Variants in MSRA observed in about 807,000 individuals in gnomAD.
The protein encoded by MSRA is mitochondrial peptide methionine sulfoxide reductase.
In MSRA, 54 loss-of-function variants were observed where a neutral mutation model predicts 31.3. The observed-to-expected ratio is 1.73, with a 90% confidence interval of 1.39 to 2.17. The LOEUF (loss-of-function observed/expected upper bound fraction) is 2.17. MSRA is among the 30% of genes most tolerant of loss of function. MSRA has a pLI of 0.00. For synonymous variants in MSRA, 169 were observed against 116.5 expected (o/e 1.45, Z -2.90); for missense variants, 507 against 300.9 (o/e 1.69, Z -5.07).
At chr8:10,216,705 G>A (rs543986991) in intron 2 of MSRA, among the ~76,000 whole-genome samples, 7 of 152,230 alleles carry the variant, frequency 4.6e-5, no homozygotes, top group Non-Finnish European at 7.4e-5. Flanking sequence ...ATTCTACTTC[G>A]CATAATGTCT....
intron 5 of MSRA, 41 bp downstream of exon 5, chr8:10,320,030 A>C (rs765792926): frequency 2.2e-6 from 3 of 1,350,452 alleles, no homozygotes; most frequent in Non-Finnish European, 3.1e-6. Context: ...TTAGGCCACC[A>C]TGACTAGGGC....
chr8:10,341,947 G>T (rs1328246110), intron 5 of MSRA, among the ~76,000 whole-genome samples: 1 of 152,164 alleles, frequency 6.6e-6, no homozygotes, highest in African/African-American at 2.4e-5. Flanking sequence ...ATTTCCTCCT[G>T]TGACATAAGC....
intron 5 of MSRA, among the ~76,000 whole-genome samples, chr8:10,354,316 T>C (rs1804376411): frequency 6.6e-6 from 1 of 152,178 alleles, no homozygotes; most frequent in Admixed American, 6.5e-5. Context: ...GGAATCCACA[T>C]TGTTGGCAAG....
intron 1 of MSRA, among the ~76,000 whole-genome samples, chr8:10,154,249 AAT>A (rs1276099969): frequency 1.3e-5 from 2 of 151,602 alleles, no homozygotes; most frequent in Non-Finnish European, 2.9e-5. Flanking sequence ...AGCCATCAAA[AAT>A]ACTTACAGTT....
intron 5 of MSRA, among the ~76,000 whole-genome samples, chr8:10,414,030 G>A (rs1299706613): frequency 6.6e-6 from 1 of 152,094 alleles, no homozygotes; most frequent in Non-Finnish European, 1.5e-5. Flanking sequence ...AGCCAGGTGT[G>A]GTGGTGTGCT....
At chr8:10,067,993 C>G (rs1797547398) in intron 1 of MSRA, among the ~76,000 whole-genome samples, 1 of 143,464 alleles carries the variant, frequency 7.0e-6, no homozygotes, top group African/African-American at 2.5e-5. Flanking sequence ...GAGTGATACT[C>G]ATGCGTCAGC....
At chr8:10,116,486 G>A (rs1030042763) in intron 1 of MSRA, among the ~76,000 whole-genome samples, 5 of 152,168 alleles carry the variant, frequency 3.3e-5, no homozygotes, top group South Asian at 2.1e-4. Context: ...ACGCTCTGCG[G>A]TACAGAGAAC....
intron 4 of MSRA, among the ~76,000 whole-genome samples, chr8:10,316,097 C>T (rs974678954): frequency 6.6e-6 from 1 of 152,194 alleles, no homozygotes; most frequent in Non-Finnish European, 1.5e-5. Context: ...ACTATTTCAT[C>T]TCCCTTGAGA....
intron 5 of MSRA, among the ~76,000 whole-genome samples, chr8:10,422,118 A>G (rs540970197): frequency 5.3e-5 from 8 of 152,192 alleles, no homozygotes; most frequent in Non-Finnish European, 1.2e-4. Flanking sequence ...CACTGTCTCT[A>G]TAAAAAAATT....
chr8:10,081,299 A>T (rs1022253247), intron 1 of MSRA, among the ~76,000 whole-genome samples: 1 of 152,088 alleles, frequency 6.6e-6, no homozygotes, highest in African/African-American at 2.4e-5. Flanking sequence ...TCTATAACCC[A>T]CGTGCCATTT....
chr8:10,258,539 A>T (rs1798302095), intron 3 of MSRA, among the ~76,000 whole-genome samples: 1 of 152,158 alleles, frequency 6.6e-6, no homozygotes, highest in African/African-American at 2.4e-5. Context: ...ACATCCCCTC[A>T]TGCGTTAAAT....
At chr8:10,361,606 G>A (rs1277140272) in intron 5 of MSRA, among the ~76,000 whole-genome samples, 1 of 152,162 alleles carries the variant, frequency 6.6e-6, no homozygotes, top group African/African-American at 2.4e-5. Context: ...ATTACTGGGA[G>A]AGCATACTTG....
At chr8:10,136,277 C>A (rs1802270311) in intron 1 of MSRA, among the ~76,000 whole-genome samples, 1 of 152,202 alleles carries the variant, frequency 6.6e-6, no homozygotes, top group Admixed American at 6.5e-5. Flanking sequence ...GCGTCCTTAT[C>A]TATCTCAACT....
chr8:10,365,142 CAAAAAAAAAA>C (rs1171189760), intron 5 of MSRA, among the ~76,000 whole-genome samples: 24 of 61,294 alleles, frequency 3.9e-4, no homozygotes, highest in South Asian at 1.1e-3. Flanking sequence ...GTGAAGCAAC[CAAAAAAAAAA>C]AAAAAAAAAA....
intron 3 of MSRA, among the ~76,000 whole-genome samples, chr8:10,287,712 A>G (rs1000990052): frequency 1.3e-5 from 2 of 152,164 alleles, no homozygotes; most frequent in African/African-American, 4.8e-5. Context: ...GTCTAGCTGA[A>G]TGCTCTCCAT....
At chr8:10,297,378 G>A (rs1242856669) in intron 3 of MSRA, among the ~76,000 whole-genome samples, 2 of 152,184 alleles carry the variant, frequency 1.3e-5, no homozygotes, top group Non-Finnish European at 2.9e-5. Context: ...CCGTAATGCT[G>A]CTGTGAATTG....
At chr8:10,105,385 C>G (rs1458293780) in intron 1 of MSRA, among the ~76,000 whole-genome samples, 1 of 152,154 alleles carries the variant, frequency 6.6e-6, no homozygotes, top group Non-Finnish European at 1.5e-5. Context: ...AATTTTATCT[C>G]CTTAATTAAC....
chr8:10,197,319 G>C (rs1023978015), intron 1 of MSRA, among the ~76,000 whole-genome samples: 2 of 152,150 alleles, frequency 1.3e-5, no homozygotes, highest in African/African-American at 4.8e-5. Flanking sequence ...TATTACAAAG[G>C]TGAAAATGGA....
chr8:10,259,561 C>T (rs566687843), intron 3 of MSRA, among the ~76,000 whole-genome samples: 66 of 152,258 alleles, frequency 4.3e-4, no homozygotes, highest in African/African-American at 1.5e-3. Flanking sequence ...ACTGTCCCTC[C>T]CTTTCCCCAT....
Sources: gnomAD v4.1 joint callset for allele counts (sites outside exome capture counted in the v4.1 genomes callset) on GRCh38, gnomAD v4.1.1 for gene constraint, MANE v1.5 for transcripts, NCBI Gene and HGNC (gene_info 2026-07-23, HGNC 2026-07-21) for gene names.